C12orf42: variants seen among roughly 807,000 people sequenced by gnomAD.
The protein encoded by C12orf42 is uncharacterized protein C12orf42.
In C12orf42, 25 loss-of-function variants were observed where a neutral mutation model predicts 21.6. The observed-to-expected ratio is 1.16, with a 90% CI of 0.84 to 1.62. The LOEUF (loss-of-function observed/expected upper bound fraction) is 1.62, where lower values mean the gene tolerates loss of function less well. Ranked by LOEUF, C12orf42 falls within the 40% of genes most tolerant of loss-of-function variation. The probability of loss-of-function intolerance (pLI) is 0.00; values close to 1 mark genes in which losing one functional copy is unlikely to be tolerated. For synonymous variants in C12orf42, 174 were observed against 175.0 expected, an observed-to-expected ratio of 0.99 and a Z score of 0.05; for missense variants, 483 against 459.3, an observed-to-expected ratio of 1.05 and a Z score of -0.47.
At chr12:103,180,553 C>T in the C12orf42 span, among the ~76,000 whole-genome samples, 1 of 146,516 alleles carries the variant, frequency 6.8e-6, no homozygotes, top group Admixed American at 6.7e-5. Flanking sequence ...GGACTCACAC[C>T]TTCTGTGATA....
At chr12:103,345,960 T>G (rs1205516413) in intron 4 of C12orf42, among the ~76,000 whole-genome samples, 1 of 152,218 alleles carries the variant, frequency 6.6e-6, no homozygotes, top group African/African-American at 2.4e-5. Context: ...CAGTTATAAT[T>G]CTTCAAAGCA....
chr12:103,175,934 C>G, the C12orf42 span, among the ~76,000 whole-genome samples: 1 of 152,136 alleles, frequency 6.6e-6, no homozygotes. Flanking sequence ...CTTTGACCTC[C>G]TTAGATCAGC....
intron 2 of C12orf42, among the ~76,000 whole-genome samples, chr12:103,429,877 C>T (rs900383557): frequency 1.3e-5 from 2 of 152,104 alleles, no homozygotes; most frequent in East Asian, 3.8e-4. Context: ...GGAAAGGATT[C>T]CCTATTTAAT....
At chr12:103,523,818 C>T in the C12orf42 span, among the ~76,000 whole-genome samples, 1 of 151,416 alleles carries the variant, frequency 6.6e-6, no homozygotes, top group Non-Finnish European at 1.5e-5. Context: ...TTATTAGTTC[C>T]CCTTTAAAAG....
the C12orf42 span, among the ~76,000 whole-genome samples, chr12:103,069,104 T>C: frequency 6.6e-6 from 1 of 150,726 alleles, no homozygotes; most frequent in Non-Finnish European, 1.5e-5. Flanking sequence ...TCTACTGACC[T>C]AATTTCTATT....
chr12:103,133,788 TG>T, the C12orf42 span, among the ~76,000 whole-genome samples: 1 of 152,308 alleles, frequency 6.6e-6, no homozygotes, highest in Middle Eastern at 3.4e-3. Flanking sequence ...AATTGAATCA[TG>T]GGGGCAGTTT....
At chr12:103,188,713 C>T in the C12orf42 span, among the ~76,000 whole-genome samples, 1 of 152,174 alleles carries the variant, frequency 6.6e-6, no homozygotes, top group African/African-American at 2.4e-5. Flanking sequence ...CTTGCTTCCT[C>T]TCTTGTCATA....
At chr12:103,074,518 T>C in the C12orf42 span, among the ~76,000 whole-genome samples, 21 of 152,186 alleles carry the variant, frequency 1.4e-4, no homozygotes, top group African/African-American at 4.3e-4. Context: ...ACCCCTGTCA[T>C]TGTGCAAAGA....
the C12orf42 span, among the ~76,000 whole-genome samples, chr12:103,139,645 C>T: frequency 3.9e-5 from 6 of 152,068 alleles, no homozygotes; most frequent in Admixed American, 3.9e-4. Context: ...ACACAGAAAA[C>T]TCAGAAATGA....
chr12:103,332,131 C>A (rs1167561275), intron 4 of C12orf42, among the ~76,000 whole-genome samples: 1 of 152,050 alleles, frequency 6.6e-6, no homozygotes, highest in Non-Finnish European at 1.5e-5. Flanking sequence ...AAAATGAAAC[C>A]ATGCTCACAA....
chr12:103,457,048 C>T (rs994725091), intron 2 of C12orf42, among the ~76,000 whole-genome samples: 7 of 152,002 alleles, frequency 4.6e-5, no homozygotes, highest in South Asian at 4.1e-4. Context: ...AGAAAAAAAC[C>T]ACCCGAATAT....
the C12orf42 span, among the ~76,000 whole-genome samples, chr12:103,119,256 A>C: frequency 1.3e-5 from 2 of 152,224 alleles, no homozygotes; most frequent in Non-Finnish European, 2.9e-5. Context: ...CTGTTATTAA[A>C]AGGAGGTTAA....
the C12orf42 span, among the ~76,000 whole-genome samples, chr12:103,185,739 G>C: frequency 2.0e-5 from 3 of 152,202 alleles, no homozygotes; most frequent in Admixed American, 6.5e-5. Flanking sequence ...TGATGGTTTC[G>C]TCAGGGGTTT....
At chr12:103,392,900 G>A (rs1428124669) in intron 3 of C12orf42, among the ~76,000 whole-genome samples, 2 of 152,160 alleles carry the variant, frequency 1.3e-5, no homozygotes, top group Non-Finnish European at 2.9e-5. Flanking sequence ...AGTGGCAGCA[G>A]TACAAGCTGT....
At chr12:103,227,923 G>A in the C12orf42 span, among the ~76,000 whole-genome samples, 19 of 152,210 alleles carry the variant, frequency 1.2e-4, no homozygotes, top group Non-Finnish European at 1.5e-5. Context: ...GACAGTGAGA[G>A]AGGTTGGAGA....
intron 2 of C12orf42, among the ~76,000 whole-genome samples, chr12:103,433,257 A>T (rs1950400637): frequency 6.6e-6 from 1 of 152,212 alleles, no homozygotes; most frequent in Non-Finnish European, 1.5e-5. Flanking sequence ...ATAGTTGATG[A>T]AAAAACGTTT....
intron 2 of C12orf42, among the ~76,000 whole-genome samples, chr12:103,446,721 GA>G (rs894001531): frequency 1.3e-5 from 2 of 151,678 alleles, no homozygotes; most frequent in East Asian, 3.9e-4. Context: ...TCTTATATCA[GA>G]AAAAAACAGA....
At chr12:103,319,911 G>A (rs962977960) in intron 4 of C12orf42, among the ~76,000 whole-genome samples, 4 of 152,180 alleles carry the variant, frequency 2.6e-5, no homozygotes, top group African/African-American at 9.7e-5. Context: ...GAGTGGTCCA[G>A]CATCCTAACA....
intron 4 of C12orf42, among the ~76,000 whole-genome samples, chr12:103,287,248 T>C (rs1020503659): frequency 6.6e-6 from 1 of 152,184 alleles, no homozygotes; most frequent in Non-Finnish European, 1.5e-5. Flanking sequence ...TAAAGACACA[T>C]GCACATGTAT....
Sources: gnomAD v4.1 joint callset for allele counts (sites outside exome capture counted in the v4.1 genomes callset) on GRCh38, gnomAD v4.1.1 for gene constraint, MANE v1.5 for transcripts, NCBI Gene and HGNC (gene_info 2026-07-23, HGNC 2026-07-21) for gene names.